Variants in NR2F1-AS1 observed in about 807,000 individuals in gnomAD.
NR2F1-AS1 encodes the protein NR2F1 regulatory antisense RNA 1, also known as NR2F1 antisense RNA 1.
chr5:93,504,072 G>T (rs1276078263), intron 4 of NR2F1-AS1, among the ~76,000 whole-genome samples: 1 of 152,026 alleles, frequency 6.6e-6, no homozygotes, highest in Non-Finnish European at 1.5e-5. Context: ...ATCTTGTAAA[G>T]AAATTTAATA....
chr5:93,539,369 A>G (rs1272853819), intron 4 of NR2F1-AS1, among the ~76,000 whole-genome samples: 1 of 152,226 alleles, frequency 6.6e-6, no homozygotes, highest in African/African-American at 2.4e-5. Flanking sequence ...ATTCAACAAC[A>G]GATGAATGGA....
intron 4 of NR2F1-AS1, among the ~76,000 whole-genome samples, chr5:93,526,436 T>C (rs1424518204): frequency 6.6e-6 from 1 of 152,182 alleles, no homozygotes; most frequent in African/African-American, 2.4e-5. Flanking sequence ...TCTGGTACCA[T>C]TCCTTCTGAG....
intron 4 of NR2F1-AS1, among the ~76,000 whole-genome samples, chr5:93,515,120 T>C (rs1751375450): frequency 6.6e-6 from 1 of 151,996 alleles, no homozygotes; most frequent in South Asian, 2.1e-4. Context: ...TAAAGTGACA[T>C]GTGTAAAGAG....
rs1263451785 is a variant in NR2F1-AS1, at chr5:93,553,131, T to C, written n.638+630A>G. On this transcript the variant is annotated intron_variant and non_coding_transcript_variant, in intron 4 of 5. Transcript: ENST00000660523. ...TTCCTGATATCAGTAATACACTTTT[T>C]TTTTTTTTTTTTTTTGGAGACACAG... Among the ~76,000 whole-genome samples the C allele has an allele frequency of 5.3e-5, 8 of 149,718 alleles. No individual in the cohort carries two copies. In the East Asian group the frequency reaches 1.5e-3, roughly 29 times the overall value.
At chr5:93,517,456 A>G (rs999770801) in intron 4 of NR2F1-AS1, among the ~76,000 whole-genome samples, 1 of 151,936 alleles carries the variant, frequency 6.6e-6, no homozygotes, top group African/African-American at 2.4e-5. Flanking sequence ...TTCATTATAT[A>G]CTTCTCTTTT....
chr5:93,486,477 T>C (rs1750720268), intron 4 of NR2F1-AS1, among the ~76,000 whole-genome samples: 2 of 151,920 alleles, frequency 1.3e-5, no homozygotes, highest in South Asian at 4.1e-4. Context: ...TCTACGCAAA[T>C]AAACTAGAAA....
At chr5:93,413,271 G>A (rs1365877173) in intron 4 of NR2F1-AS1, among the ~76,000 whole-genome samples, 1 of 151,208 alleles carries the variant, frequency 6.6e-6, no homozygotes, top group African/African-American at 2.4e-5. Flanking sequence ...GAAAAGGAGA[G>A]GAAAGTTCCA....
chr5:93,424,942 T>C (rs1277923089), intron 4 of NR2F1-AS1, among the ~76,000 whole-genome samples: 1 of 152,188 alleles, frequency 6.6e-6, no homozygotes, highest in African/African-American at 2.4e-5. Flanking sequence ...AGGTCTAAAC[T>C]CCTTAATATG....
chr5:93,430,520 G>A (rs768743444), intron 4 of NR2F1-AS1, among the ~76,000 whole-genome samples: 3 of 152,016 alleles, frequency 2.0e-5, no homozygotes, highest in Admixed American at 6.6e-5. Flanking sequence ...TGTGTATGTC[G>A]ATATATACAT....
intron 4 of NR2F1-AS1, among the ~76,000 whole-genome samples, chr5:93,463,205 C>T (rs1346105152): frequency 6.6e-6 from 1 of 152,198 alleles, no homozygotes; most frequent in Non-Finnish European, 1.5e-5. Context: ...CCCTGTGTTC[C>T]AGCCACTCTA....
intron 4 of NR2F1-AS1, among the ~76,000 whole-genome samples, chr5:93,524,135 G>C (rs910327457): frequency 2.6e-5 from 4 of 151,914 alleles, no homozygotes; most frequent in African/African-American, 9.7e-5. Context: ...TTGCTAACTA[G>C]AATAACCAGT....
intron 1 of NR2F1-AS1, among the ~76,000 whole-genome samples, chr5:93,576,056 G>T: frequency 6.6e-6 from 1 of 152,176 alleles, no homozygotes; most frequent in East Asian, 1.9e-4. Flanking sequence ...CATTAAGAGC[G>T]ATTAGATGAT....
intron 4 of NR2F1-AS1, among the ~76,000 whole-genome samples, chr5:93,479,555 G>A (rs1750556827): frequency 6.6e-6 from 1 of 152,070 alleles, no homozygotes; most frequent in African/African-American, 2.4e-5. Context: ...TCATGTAGAA[G>A]GCAGAATTTG....
chr5:93,542,265 A>G (rs1401404714), intron 4 of NR2F1-AS1: 1 of 151,954 alleles, frequency 6.6e-6, no homozygotes, highest in Non-Finnish European at 1.5e-5. Flanking sequence ...AAGTATGACA[A>G]CTTATTAAGA....
intron 4 of NR2F1-AS1, among the ~76,000 whole-genome samples, chr5:93,500,970 C>T (rs987126469): frequency 3.3e-5 from 5 of 152,194 alleles, no homozygotes; most frequent in East Asian, 3.9e-4. Flanking sequence ...TCATAGATAG[C>T]GATTCCTCTG....
At chr5:93,471,027 T>C (rs1047570317) in intron 4 of NR2F1-AS1, among the ~76,000 whole-genome samples, 1 of 151,900 alleles carries the variant, frequency 6.6e-6, no homozygotes, top group Non-Finnish European at 1.5e-5. Context: ...TTTTAAACAT[T>C]ACTTTAAAAG....
At chr5:93,458,417 C>T (rs916717222) in intron 4 of NR2F1-AS1, among the ~76,000 whole-genome samples, 1 of 151,884 alleles carries the variant, frequency 6.6e-6, no homozygotes, top group African/African-American at 2.4e-5. Context: ...TACAAATGCA[C>T]AATTAGTAGG....
At chr5:93,545,838 A>C (rs1561493418) in intron 4 of NR2F1-AS1, among the ~76,000 whole-genome samples, 3 of 152,226 alleles carry the variant, frequency 2.0e-5, no homozygotes, top group South Asian at 4.1e-4. Flanking sequence ...TTGGGAGACA[A>C]AGTCAGTCAA....
chr5:93,533,733 C>T (rs1751779504), intron 4 of NR2F1-AS1, among the ~76,000 whole-genome samples: 1 of 152,098 alleles, frequency 6.6e-6, no homozygotes, highest in African/African-American at 2.4e-5. Context: ...TTTCATTTTA[C>T]AGAAGAGGAA....
Sources: gnomAD v4.1 joint callset for allele counts (sites outside exome capture counted in the v4.1 genomes callset) on GRCh38, gnomAD v4.1.1 for gene constraint, MANE v1.5 for transcripts, NCBI Gene and HGNC (gene_info 2026-07-23, HGNC 2026-07-21) for gene names.